Variants in EXOC5 observed in about 807,000 individuals in gnomAD.
EXOC5 encodes exocyst complex component 5, also known as SEC10-like 1.
Under a neutral mutation model 90.8 loss-of-function variants are expected in EXOC5, and 17 were observed. The ratio of observed to expected loss-of-function variants is 0.19; its 90% confidence interval spans 0.13 to 0.28. The LOEUF is 0.28. Ranked by LOEUF, EXOC5 falls within the 10% of genes least tolerant of loss-of-function variation. The pLI is 1.00. For missense variants in EXOC5, 569 were observed against 830.6 expected (o/e 0.69, Z 3.87); for synonymous variants, 260 against 270.0 (o/e 0.96, Z 0.36).
rs1157968875 is a variant in EXOC5 at position 57,268,831 on chromosome 14, A to C, written c.-183T>G. The C allele has an allele frequency of 7.3e-7, 1 of 1,376,618 alleles. No homozygotes were observed. Among genetic ancestry groups the C allele is most frequent in the Non-Finnish European group, 9.4e-7 (1 of 1,066,236 alleles). The allele number at this position is 1,376,618 out of a possible 1,614,324, so 85.3% of individuals were successfully genotyped here. A position where few individuals can be genotyped will look rare whatever the true frequency, so the allele number is the denominator to read the frequency against. On this transcript the variant is annotated 5_prime_UTR_variant, in exon 1 of 18. Coordinates refer to ENST00000621441, the MANE Select transcript of EXOC5 (RefSeq NM_006544.4). The stretch of plus-strand genomic sequence containing the variant: ...AGAGCGGCCATGAAGCGAAGCCGCA[A>C]ACGCTTGTCAGCTGCCTCCCGGCGC...
chr14:57,250,923 C>T (rs1011686808), intron 1 of EXOC5, among the ~76,000 whole-genome samples: 1 of 152,196 alleles, frequency 6.6e-6, no homozygotes, highest in African/African-American at 2.4e-5. Context: ...GTCTCTGTTA[C>T]AACCATTCAA....
intron 3 of EXOC5, among the ~76,000 whole-genome samples, chr14:57,246,487 T>C (rs1566502253): frequency 1.3e-5 from 2 of 152,136 alleles, no homozygotes; most frequent in Non-Finnish European, 1.5e-5. Flanking sequence ...TACCACTCTA[T>C]CCTAAGAAGA....
At position 57,201,501 on chromosome 14, in the gene EXOC5, TACAC is replaced by T. The variant is rs145623687; in HGVS notation, c.*7104_*7107del. 12 of 145,484 alleles carry T rather than the reference TACAC, an allele frequency of 8.2e-5. No individual in the cohort carries two copies. Among genetic ancestry groups the T allele is most frequent in the Non-Finnish European group, 3.0e-5 (2 of 66,890 alleles). The allele number at this position is 145,484 out of a possible 1,614,324, so 9.0% of individuals were successfully genotyped here. On this transcript the variant is annotated 3_prime_UTR_variant, in exon 18 of 18. Transcript: ENST00000621441. ...ACACGTGTATAAACACACGTGTATA[TACAC>T]ACACATATGTATATATATACACACA...
intron 9 of EXOC5, 88 bp from the exon 10 acceptor site, chr14:57,232,837 A>G: frequency 1.7e-6 from 1 of 599,976 alleles, no homozygotes; most frequent in Non-Finnish European, 2.9e-6. Context: ...AATTCACTCC[A>G]CAGTTTTGAA....
In EXOC5 at chr14:57,209,662, A is replaced by G; in HGVS notation, c.1843T>C (p.Tyr615His). The G allele has an allele frequency of 4.3e-6, 7 of 1,612,646 alleles. No homozygotes were observed. Among genetic ancestry groups the G allele is most frequent in the Non-Finnish European group, 5.9e-6 (7 of 1,178,868 alleles). ...ELGVRFHRLI[Y>H]EHLQQYSYSC... ...TAGGAATATTGTTGAAGATGCTCAT[A>G]GATAAGTCGATGAAAACGTACTCCA... Residue 615 changes from tyrosine to histidine, a missense_variant, in exon 17 of 18, where the codon TAT (tyrosine) becomes CAT (histidine). Transcript: ENST00000621441.
At chr14:57,231,239 C>A (rs75646750) in intron 11 of EXOC5, among the ~76,000 whole-genome samples, 25 of 152,212 alleles carry the variant, frequency 1.6e-4, no homozygotes, top group African/African-American at 4.8e-4. Context: ...GAACTCCAGA[C>A]CTCAGGTGAT....
chr14:57,250,110 CCTTT>C (rs1245626565), intron 1 of EXOC5, among the ~76,000 whole-genome samples: 2 of 152,088 alleles, frequency 1.3e-5, no homozygotes, highest in Non-Finnish European at 2.9e-5. Context: ...CCAGGCAAGG[CCTTT>C]CTAAGAAAAT....
chr14:57,212,885 C>T (rs1331987207), intron 15 of EXOC5, among the ~76,000 whole-genome samples: 5 of 152,230 alleles, frequency 3.3e-5, no homozygotes, highest in Middle Eastern at 3.4e-3. Flanking sequence ...GCTGATAGAT[C>T]CACTCTTTCG....
rs144448378 is a variant in EXOC5, at chr14:57,221,632, G to GC, written c.1405+675_1405+676insG. 3.7e-4 allele frequency among the ~76,000 whole-genome samples: 57 copies of GC among 152,232 alleles called. 2 individuals carry two copies. The East Asian group carries it at 0.01, about 27-fold the overall frequency. ...TGATTTCTGAAAAGGAGGAATTGAG[G>GC]AACTCCTGGGTTTTGTTGGGGATTG... is the stretch of plus-strand genomic sequence containing the variant. On this transcript the variant is annotated intron_variant, in intron 13 of 17. Transcript: ENST00000621441.
At chr14:57,227,945 T>C (rs12897355) in intron 12 of EXOC5, among the ~76,000 whole-genome samples, 5,059 of 145,954 alleles carry the variant, frequency 0.035, 103 homozygotes, top group Non-Finnish European at 0.054. Flanking sequence ...CATATATATA[T>C]ACACACACAC....
intron 4 of EXOC5, among the ~76,000 whole-genome samples, 187 bp from the exon 5 acceptor site, chr14:57,239,846 A>G (rs1432148084): frequency 1.3e-5 from 2 of 152,188 alleles, no homozygotes; most frequent in African/African-American, 4.8e-5. Context: ...GGTGTTACCA[A>G]TAATGAGTCA....
Position 57,208,430 on chromosome 14 carries a change from CA to C in EXOC5, c.*178del, listed in dbSNP as rs1438271184. On this transcript the variant is annotated 3_prime_UTR_variant, in exon 18 of 18. Coordinates refer to ENST00000621441, the MANE Select transcript of EXOC5 (RefSeq NM_006544.4). ...AAAGCAAAATATAGCTAGTGGTATC[CA>C]AACTTTAAATAAAACCTCAAAGGTA... is the stretch of plus-strand genomic sequence containing the variant. The C allele has an allele frequency of 4.6e-6, 2 of 438,624 alleles. No individual in the cohort carries two copies. The highest frequency in any genetic ancestry group is 8.1e-6 in the Non-Finnish European group (2 of 247,394). The allele number at this position is 438,624 out of a possible 1,614,324, so 27.2% of individuals were successfully genotyped here.
intron 10 of EXOC5, chr14:57,232,121 C>T (rs987156139): frequency 1.2e-5 from 2 of 165,792 alleles, no homozygotes; most frequent in Non-Finnish European, 2.6e-5. Context: ...TTTTCTATTT[C>T]CCATTGCTGA....
At chr14:57,247,288 TCCC>T (rs1884059369) in intron 2 of EXOC5, among the ~76,000 whole-genome samples, 1 of 152,174 alleles carries the variant, frequency 6.6e-6, no homozygotes, top group Admixed American at 6.5e-5. Context: ...GTGACTTTGT[TCCC>T]CCAATTTACA....
chr14:57,224,714 A>G (rs1883252312), intron 12 of EXOC5, among the ~76,000 whole-genome samples: 1 of 152,182 alleles, frequency 6.6e-6, no homozygotes, highest in South Asian at 2.1e-4. Flanking sequence ...AATATTTCCC[A>G]ACACATCCTA....
chr14:57,255,862 C>T (rs1304585443), intron 1 of EXOC5, among the ~76,000 whole-genome samples: 1 of 149,868 alleles, frequency 6.7e-6, no homozygotes, highest in Non-Finnish European at 1.5e-5. Flanking sequence ...AAAGGAAGCA[C>T]TATTCTCCAA....
chr14:57,211,284 G>A (rs1159737151), intron 15 of EXOC5, among the ~76,000 whole-genome samples: 2 of 152,174 alleles, frequency 1.3e-5, no homozygotes, highest in African/African-American at 2.4e-5. Flanking sequence ...GTCCATGAAT[G>A]AGCAACTGGA....
At chr14:57,232,632 T>C in intron 10 of EXOC5, 35 bp downstream of exon 10, 2 of 903,832 alleles carry the variant, frequency 2.2e-6, no homozygotes, top group Non-Finnish European at 3.4e-6. Context: ...TTAAAAAATC[T>C]GTTATCTATT....
chr14:57,255,630 C>G (rs756483656), intron 1 of EXOC5, among the ~76,000 whole-genome samples: 10 of 152,008 alleles, frequency 6.6e-5, no homozygotes, highest in African/African-American at 2.4e-4. Context: ...CTCAGGAGTT[C>G]GAGACCAGCC....
Sources: allele counts gnomAD v4.1 joint callset (sites outside exome capture counted in the v4.1 genomes callset), GRCh38; gene constraint gnomAD v4.1.1; transcripts MANE v1.5; gene names NCBI Gene and HGNC (gene_info 2026-07-23, HGNC 2026-07-21).